AFF3: variants seen among roughly 807,000 people sequenced by gnomAD.
AFF3 encodes the protein AF4/FMR2 family member 3.
A neutral mutation model predicts 129.7 loss-of-function variants in AFF3; 32 were observed. That is an observed-to-expected ratio of 0.25 (90% CI 0.19 to 0.33). AFF3 has a LOEUF of 0.33. Ranked by LOEUF, AFF3 falls within the 10% of genes least tolerant of loss-of-function variation. The pLI, the probability that AFF3 is intolerant of heterozygous loss-of-function variation, is 1.00. For missense variants in AFF3, 1,373 were observed against 1,592.0 expected (o/e 0.86, Z 2.34); for synonymous variants, 644 against 635.4 (o/e 1.01, Z -0.20).
chr2:99,995,271 G>A (rs1412349956), intron 7 of AFF3, among the ~76,000 whole-genome samples: 1 of 152,126 alleles, frequency 6.6e-6, no homozygotes. Context: ...ATAGAAAAAG[G>A]ATGGACTAAT....
intron 4 of AFF3, among the ~76,000 whole-genome samples, chr2:100,059,584 T>A (rs1687089354): frequency 6.6e-6 from 1 of 152,204 alleles, no homozygotes; most frequent in Non-Finnish European, 1.5e-5. Flanking sequence ...AGCCATTGAA[T>A]TGTACACTTT....
At chr2:99,965,515 T>C (rs60803068) in intron 7 of AFF3, among the ~76,000 whole-genome samples, 1,983 of 152,314 alleles carry the variant, frequency 0.013, 51 homozygotes, top group African/African-American at 0.045. Flanking sequence ...CTGAGAACAA[T>C]AGCTGAAATT....
rs573740714 is a variant in AFF3, at chr2:100,134,889, T to G, written c.-227-5583A>C. ...GATAATGGCAACTAAATATATATGGTAAATGGAGCTAAATGCAGTGAACAG... is the reference window on the plus strand; with the variant it reads ...GATAATGGCAACTAAATATATATGGGAAATGGAGCTAAATGCAGTGAACAG... On this transcript the variant is annotated intron_variant, in intron 1 of 24. Coordinates refer to ENST00000672756, the MANE Select transcript of AFF3 (RefSeq NM_001386135.1). Among the ~76,000 whole-genome samples, 3 of 152,290 alleles carry G rather than the reference T, an allele frequency of 2.0e-5. No individual in the cohort carries two copies. In the South Asian group the frequency reaches 6.2e-4, roughly 32 times the overall value.
At chr2:99,680,790 T>C (rs1674450829) in intron 11 of AFF3, among the ~76,000 whole-genome samples, 1 of 152,248 alleles carries the variant, frequency 6.6e-6, no homozygotes, top group African/African-American at 2.4e-5. Context: ...GATAAGTTAA[T>C]TGCTAAAAGA....
chr2:99,578,336 A>T lies in AFF3; in HGVS notation c.2909T>A (p.Phe970Tyr). ...AAGCGTCTGAACTTACATATCATCG[A>T]AGACAAGTTTCTGCCTCTTGCAGTC... ...HRDCKRQKLV[F>Y]DDMPRSADYF... Residue 970 changes from phenylalanine (F) to tyrosine (Y), a missense_variant, in exon 18 of 25, where the codon TTC becomes TAC. Phe to Tyr is a conservative substitution (Grantham distance 22, BLOSUM62 3). Around this residue, in one of 9 missense-constraint regions of AFF3, gnomAD observed 65 missense variants for 102.1 expected, o/e 0.64. Transcript: ENST00000672756. 1 of 1,600,296 alleles carries T rather than the reference A, an allele frequency of 6.2e-7. No individual in the cohort carries two copies.
intron 1 of AFF3, among the ~76,000 whole-genome samples, chr2:100,131,640 A>G (rs1692433536): frequency 6.6e-6 from 1 of 151,992 alleles, no homozygotes; most frequent in Non-Finnish European, 1.5e-5. Context: ...TTGTATTTTT[A>G]GTAGAGACGG....
chr2:99,808,618 A>G (rs952989795), intron 8 of AFF3, among the ~76,000 whole-genome samples: 3 of 152,246 alleles, frequency 2.0e-5, no homozygotes, highest in Non-Finnish European at 4.4e-5. Flanking sequence ...TGCAGAATCA[A>G]TAACAAGGCT....
intron 22 of AFF3, among the ~76,000 whole-genome samples, chr2:99,555,407 C>G (rs1285070203): frequency 6.6e-6 from 1 of 152,182 alleles, no homozygotes; most frequent in Non-Finnish European, 1.5e-5. Flanking sequence ...AAAAGTATTT[C>G]TTCTTAAAGT....
chr2:99,880,212 G>A (rs540870501), intron 7 of AFF3, among the ~76,000 whole-genome samples: 6 of 152,296 alleles, frequency 3.9e-5, no homozygotes, highest in Non-Finnish European at 7.4e-5. Context: ...CATGAGCCTG[G>A]AACGGGAGTG....
chr2:99,953,291 C>G (rs1676335910), intron 7 of AFF3, among the ~76,000 whole-genome samples: 1 of 152,168 alleles, frequency 6.6e-6, no homozygotes, highest in African/African-American at 2.4e-5. Context: ...TGTCTTTAGA[C>G]TTTCCTCCAC....
At chr2:99,853,424 C>T (rs1210241835) in intron 7 of AFF3, among the ~76,000 whole-genome samples, 13 of 152,154 alleles carry the variant, frequency 8.5e-5, no homozygotes, top group Admixed American at 8.5e-4. Flanking sequence ...TTAAAAGTCA[C>T]CTGTTCAAGA....
chr2:99,798,474 T>C (rs923309256), intron 8 of AFF3, among the ~76,000 whole-genome samples: 5 of 151,906 alleles, frequency 3.3e-5, no homozygotes, highest in Admixed American at 6.6e-5. Flanking sequence ...TAATAAATAA[T>C]ATATGTAAAC....
At chr2:99,695,335 G>A (rs974966666) in intron 11 of AFF3, among the ~76,000 whole-genome samples, 4 of 152,160 alleles carry the variant, frequency 2.6e-5, no homozygotes, top group Admixed American at 1.3e-4. Context: ...TTCACTGGGC[G>A]AGTCTCCCAG....
intron 7 of AFF3, among the ~76,000 whole-genome samples, chr2:99,982,800 A>T (rs1339262078): frequency 2.6e-5 from 4 of 152,340 alleles, no homozygotes; most frequent in Non-Finnish European, 2.9e-5. Context: ...ATTATGATTT[A>T]AAAAAATACA....
intron 11 of AFF3, among the ~76,000 whole-genome samples, chr2:99,682,952 T>G (rs2104569546): frequency 6.6e-6 from 1 of 152,300 alleles, no homozygotes; most frequent in East Asian, 1.9e-4. Context: ...TGTTAGCAGT[T>G]TTCTGTTATT....
At chr2:99,967,713 T>C (rs1256008911) in intron 7 of AFF3, among the ~76,000 whole-genome samples, 1 of 152,208 alleles carries the variant, frequency 6.6e-6, no homozygotes, top group Non-Finnish European at 1.5e-5. Flanking sequence ...CTTGAAGCCA[T>C]TTCAGGCACC....
chr2:99,861,005 T>C (rs779794186), intron 7 of AFF3, among the ~76,000 whole-genome samples: 5 of 152,170 alleles, frequency 3.3e-5, no homozygotes, highest in African/African-American at 4.8e-5. Flanking sequence ...ATCTTATAAC[T>C]GAAAGTTTGT....
intron 7 of AFF3, among the ~76,000 whole-genome samples, chr2:99,919,950 G>A (rs1695741101): frequency 1.3e-5 from 2 of 152,046 alleles, no homozygotes; most frequent in Admixed American, 1.3e-4. Flanking sequence ...CATTATGCCA[G>A]TATATTCAAC....
At chr2:99,949,022 T>G (rs1447458954) in intron 7 of AFF3, among the ~76,000 whole-genome samples, 10 of 151,966 alleles carry the variant, frequency 6.6e-5, no homozygotes, top group Admixed American at 4.6e-4. Context: ...AGCTAGGAGG[T>G]TATGCCAGGG....
Sources: allele counts gnomAD v4.1 joint callset (sites outside exome capture counted in the v4.1 genomes callset), GRCh38; gene constraint gnomAD v4.1.1; regional missense constraint gnomAD v4.1.1; transcripts MANE v1.5; gene names NCBI Gene and HGNC (gene_info 2026-07-23, HGNC 2026-07-21).